JPH3: variants seen among roughly 807,000 people sequenced by gnomAD.
JPH3 encodes the protein junctophilin 3, also known as junctophilin-3.
In JPH3, 11 loss-of-function variants were observed where a neutral mutation model predicts 59.6. The ratio of observed to expected loss-of-function variants is 0.18; its 90% CI spans 0.12 to 0.31. The LOEUF is 0.31. Among genes scored for constraint, JPH3 ranks in the 10% least tolerant of loss-of-function variants. JPH3 has a pLI of 1.00. For missense variants in JPH3, 1,202 were observed against 1,105.7 expected, an observed-to-expected ratio of 1.09 and a Z score of -1.24; for synonymous variants, 673 against 483.6, an observed-to-expected ratio of 1.39 and a Z score of -5.14.
chr16:87,695,344 G>GGA (rs1409978674), intron 4 of JPH3: 3 of 455,986 alleles, frequency 6.6e-6, no homozygotes, highest in Non-Finnish European at 1.3e-5. Context: ...ACAGGGAGGG[G>GGA]GAGGAGAGTA....
intron 2 of JPH3, among the ~76,000 whole-genome samples, chr16:87,671,392 C>T (rs968402082): frequency 1.3e-5 from 2 of 152,204 alleles, no homozygotes; most frequent in African/African-American, 4.8e-5. Flanking sequence ...ACTCCACCCA[C>T]CCCGGATGAC....
At position 87,675,194 on chromosome 16, in the gene JPH3, C is replaced by G. The variant is rs142244116; in HGVS notation, c.1161-8948C>G. Among the ~76,000 whole-genome samples, 353 of 148,942 alleles carry G rather than the reference C, an allele frequency of 2.4e-3. 4 individuals carry two copies. The highest frequency in any genetic ancestry group is 4.7e-3 in the Non-Finnish European group (313 of 67,058). On this transcript the variant is annotated intron_variant, in intron 2 of 4. Transcript: ENST00000284262. The stretch of plus-strand genomic sequence containing the variant: ...AAGCTTTCACCCCCCGCCCCTCCCC[C>G]GCCGTTTCCCCGACTCGCTGACCCC...
intron 1 of JPH3, among the ~76,000 whole-genome samples, chr16:87,629,266 G>A (rs918403307): frequency 5.3e-5 from 8 of 152,204 alleles, no homozygotes; most frequent in African/African-American, 1.4e-4. Context: ...CTACTGCTGC[G>A]GTGGCTCATG....
chr16:87,631,754 A>C (rs1391232045), intron 1 of JPH3, among the ~76,000 whole-genome samples: 1 of 151,768 alleles, frequency 6.6e-6, no homozygotes, highest in African/African-American at 2.4e-5. Context: ...TGTTTTGCCT[A>C]CCTACCTCTT....
At chr16:87,661,630 C>T (rs961129661) in intron 2 of JPH3, among the ~76,000 whole-genome samples, 5 of 152,208 alleles carry the variant, frequency 3.3e-5, no homozygotes, top group Non-Finnish European at 5.9e-5. Flanking sequence ...CCACTTTATC[C>T]GGAAGGCCAG....
chr16:87,656,998 C>T (rs544655970), intron 2 of JPH3, among the ~76,000 whole-genome samples: 1 of 152,258 alleles, frequency 6.6e-6, no homozygotes, highest in South Asian at 2.1e-4. Context: ...ATTAGGGCCC[C>T]ACCCATATGG....
At chr16:87,675,555 A>C (rs2033123498) in intron 2 of JPH3, among the ~76,000 whole-genome samples, 1 of 152,208 alleles carries the variant, frequency 6.6e-6, no homozygotes, top group Non-Finnish European at 1.5e-5. Context: ...CCGCAGTGGC[A>C]CAGCCGTGCT....
rs538911482 is a variant in JPH3, at chr16:87,644,849, G to C, written c.974G>C (p.Cys325Ser). ...WASNRRHGYG[C>S]MTFPDGTKEE... ...AGCAACCGGCGCCATGGCTACGGCT[G>C]CATGACCTTCCCGGACGGCACCAAG... The change falls in exon 2 of 5, where the codon TGC (cysteine) becomes TCC (serine). Residue 325 changes from cysteine (C) to serine (S), a missense_variant. By Grantham distance (112) the Cys-to-Ser change is moderately radical. Coordinates refer to ENST00000284262, the MANE Select transcript of JPH3 (RefSeq NM_020655.4). 1 of 1,613,390 alleles carries C rather than the reference G, an allele frequency of 6.2e-7. No individual in the cohort carries two copies. The highest frequency in any genetic ancestry group is 1.7e-5 in the Admixed American group (1 of 60,006).
chr16:87,672,003 G>A (rs2033029136), intron 2 of JPH3, among the ~76,000 whole-genome samples: 1 of 152,200 alleles, frequency 6.6e-6, no homozygotes, highest in African/African-American at 2.4e-5. Context: ...CGGGGTACGT[G>A]CTGCGTTCAG....
intron 2 of JPH3, among the ~76,000 whole-genome samples, chr16:87,646,005 C>T (rs2032135708): frequency 6.6e-6 from 1 of 152,228 alleles, no homozygotes. Flanking sequence ...GACGAGGGCC[C>T]TTGGGGTAGC....
chr16:87,651,161 T>A (rs1319983873), intron 2 of JPH3, among the ~76,000 whole-genome samples: 1 of 152,208 alleles, frequency 6.6e-6, no homozygotes, highest in East Asian at 1.9e-4. Context: ...AAGACCTGGA[T>A]GGCTGCACGG....
At position 87,632,136 on chromosome 16, in the gene JPH3, A is replaced by G. The variant is rs115919054; in HGVS notation, c.383-12122A>G. On this transcript the variant is annotated intron_variant, in intron 1 of 4. Coordinates refer to ENST00000284262, the MANE Select transcript of JPH3 (RefSeq NM_020655.4). ...TGTGTGGCAGCCTTCGCTTCTGGCT[A>G]CAGTCTGTTTTTTCAGAGGAATTTT... is the stretch of plus-strand genomic sequence containing the variant. 5.1e-3 allele frequency among the ~76,000 whole-genome samples: 780 copies of G among 152,314 alleles called. 7 individuals are homozygous for G. Among genetic ancestry groups the G allele is most frequent in the African/African-American group, 0.018 (737 of 41,562 alleles).
intron 1 of JPH3, among the ~76,000 whole-genome samples, chr16:87,640,823 C>T (rs923422006): frequency 2.6e-5 from 4 of 152,234 alleles, no homozygotes; most frequent in African/African-American, 7.2e-5. Flanking sequence ...ACAGCCCTGG[C>T]ACGGAAGGGG....
intron 1 of JPH3, among the ~76,000 whole-genome samples, chr16:87,605,288 C>T (rs1597230370): frequency 6.6e-6 from 1 of 152,184 alleles, no homozygotes; most frequent in Non-Finnish European, 1.5e-5. Flanking sequence ...CCACTCTGCC[C>T]ACGCTCCTCA....
chr16:87,694,962 C>G (rs942308809), intron 4 of JPH3: 2 of 284,940 alleles, frequency 7.0e-6, no homozygotes, highest in African/African-American at 4.4e-5. Context: ...CACTGGACAG[C>G]TGGCTCTGCT....
intron 1 of JPH3, among the ~76,000 whole-genome samples, chr16:87,626,385 C>G (rs765958463): frequency 2.6e-5 from 4 of 152,214 alleles, no homozygotes; most frequent in East Asian, 1.9e-4. Context: ...TCTCCGACCG[C>G]GAGTCCTCCA....
intron 1 of JPH3, among the ~76,000 whole-genome samples, chr16:87,628,252 G>T (rs967639981): frequency 6.6e-6 from 1 of 152,384 alleles, no homozygotes; most frequent in South Asian, 2.1e-4. Flanking sequence ...GGCATGGGCG[G>T]GTCAGAAGGA....
chr16:87,682,077 G>A (rs933342265), intron 2 of JPH3, among the ~76,000 whole-genome samples: 1 of 150,008 alleles, frequency 6.7e-6, no homozygotes, highest in Admixed American at 6.6e-5. Flanking sequence ...CACAAGACAG[G>A]GGGTGTGCTC....
intron 2 of JPH3, among the ~76,000 whole-genome samples, chr16:87,655,639 C>T (rs570233178): frequency 2.6e-5 from 4 of 152,236 alleles, no homozygotes; most frequent in African/African-American, 7.2e-5. Flanking sequence ...AGGCGTGAGC[C>T]ACTATGCCTG....
Sources: allele counts gnomAD v4.1 joint callset (sites outside exome capture counted in the v4.1 genomes callset), GRCh38; gene constraint gnomAD v4.1.1; transcripts MANE v1.5; gene names NCBI Gene and HGNC (gene_info 2026-07-23, HGNC 2026-07-21).